The following USP38 variants were observed in gnomAD, a reference collection of about 807,000 sequenced individuals.
USP38 encodes the protein ubiquitin specific peptidase 38, also known as ubiquitin carboxyl-terminal hydrolase 38.
Under a neutral mutation model 94.3 loss-of-function variants are expected in USP38, and 49 were observed. The ratio of observed to expected loss-of-function variants is 0.52; its 90% CI spans 0.41 to 0.66. The LOEUF (loss-of-function observed/expected upper bound fraction) is 0.66, where lower values mean the gene tolerates loss of function less well. Among genes scored for constraint, USP38 ranks in the 30% least tolerant of loss-of-function variants. The probability of loss-of-function intolerance (pLI) is 0.00; values close to 1 mark genes in which losing one functional copy is unlikely to be tolerated. For synonymous variants in USP38, 468 were observed against 463.6 expected (o/e 1.01, Z -0.12); for missense variants, 1,128 against 1,229.4 (o/e 0.92, Z 1.23).
intron 9 of USP38, among the ~76,000 whole-genome samples, chr4:143,218,038 T>C (rs1732229894): frequency 6.6e-6 from 1 of 152,134 alleles, no homozygotes; most frequent in African/African-American, 2.4e-5. Flanking sequence ...GCATCATCAT[T>C]GTATGGTCCA....
At chr4:143,201,565 T>C (rs1236508092) in intron 4 of USP38, among the ~76,000 whole-genome samples, 1 of 152,164 alleles carries the variant, frequency 6.6e-6, no homozygotes. Flanking sequence ...GTATGAGCAA[T>C]AATCTGGAAT....
At chr4:143,187,232 A>G (rs1426780138) in intron 1 of USP38, among the ~76,000 whole-genome samples, 4 of 152,210 alleles carry the variant, frequency 2.6e-5, no homozygotes, top group African/African-American at 9.6e-5. Flanking sequence ...ATCTCCACAA[A>G]AGTCACCTTA....
At chr4:143,188,381 A>T (rs1383363722) in intron 2 of USP38, among the ~76,000 whole-genome samples, 1 of 151,496 alleles carries the variant, frequency 6.6e-6, no homozygotes, top group Admixed American at 6.6e-5. Context: ...GCCTGTTTGA[A>T]TTTTTTTTCT....
At position 143,213,764 on chromosome 4, in the gene USP38, T is replaced by A; in HGVS notation, c.1788T>A (p.Thr596=). The part of the protein sequence containing the change: ...IEKMFGGKLR[T]HIRCLNCRST... ...AAATGTTTGGAGGAAAACTACGAAC[T>A]CACATACGTTGTTTGAACTGCAGGA... Residue 596 remains threonine (T), a synonymous_variant, in exon 9 of 10, where the codon ACT becomes ACA. Transcript: ENST00000307017. The A allele has an allele frequency of 6.2e-7, 1 of 1,613,790 alleles. No homozygotes were observed. The highest frequency in any genetic ancestry group is 1.1e-5 in the South Asian group (1 of 91,082).
chr4:143,214,439 T>C lies in USP38; in HGVS notation c.2463T>C (p.Ala821=). Reference sequence around the variant, plus strand: ...TCACTGATCTTAGTGAGAACCTTGCTAAAAAATTAAAGCCTTCAGGGACTG... The same window carrying C: ...TCACTGATCTTAGTGAGAACCTTGCCAAAAAATTAAAGCCTTCAGGGACTG... The part of the protein sequence containing the change: ...VDFTDLSENL[A]KKLKPSGTDE... Residue 821 remains alanine (A), a synonymous_variant, in exon 9 of 10, where the codon GCT becomes GCC. Coordinates refer to ENST00000307017, the MANE Select transcript of USP38 (RefSeq NM_032557.6). 1 of 1,613,720 alleles carries C rather than the reference T, an allele frequency of 6.2e-7. No individual in the cohort carries two copies.
In USP38 at chr4:143,214,318, T is replaced by C. The variant is rs755692073; in HGVS notation, c.2342T>C (p.Leu781Ser). The C allele has an allele frequency of 4.3e-6, 7 of 1,612,868 alleles. No homozygotes were observed. In the East Asian group the frequency reaches 1.3e-4, roughly 31 times the overall value. The change falls in exon 9 of 10, where the codon TTA becomes TCA. Residue 781 changes from leucine to serine, a missense_variant. Coordinates refer to ENST00000307017, the MANE Select transcript of USP38 (RefSeq NM_032557.6). ...DQKYHVRRKI[L>S]DNVSLPLVLE... ...AAGTATCATGTGAGAAGGAAAATTT[T>C]AGACAATGTATCACTGCCACTGGTT... is the stretch of plus-strand genomic sequence containing the variant.
At chr4:143,190,632 T>A (rs1173880744) in intron 2 of USP38, among the ~76,000 whole-genome samples, 6 of 152,158 alleles carry the variant, frequency 3.9e-5, no homozygotes, top group Admixed American at 3.9e-4. Context: ...ATCCATCCTT[T>A]CATTCCCTTT....
At chr4:143,188,427 G>T (rs1228831546) in intron 2 of USP38, among the ~76,000 whole-genome samples, 1 of 151,830 alleles carries the variant, frequency 6.6e-6, no homozygotes, top group Non-Finnish European at 1.5e-5. Flanking sequence ...GCAAGATACA[G>T]AATTCTAATT....
intron 2 of USP38, among the ~76,000 whole-genome samples, chr4:143,190,379 T>C (rs148570358): frequency 1.2e-3 from 182 of 152,208 alleles, no homozygotes; most frequent in Non-Finnish European, 1.9e-3. Flanking sequence ...TTAGATAATT[T>C]ACCCAAGCTC....
intron 2 of USP38, among the ~76,000 whole-genome samples, chr4:143,193,196 T>G (rs1731447899): frequency 6.6e-6 from 1 of 152,190 alleles, no homozygotes; most frequent in South Asian, 2.1e-4. Flanking sequence ...CTAAAATTGT[T>G]TTTTAAAAAA....
chr4:143,195,216 G>C (rs1731510549), intron 2 of USP38, among the ~76,000 whole-genome samples: 1 of 152,196 alleles, frequency 6.6e-6, no homozygotes, highest in South Asian at 2.1e-4. Context: ...ATAAATTCTT[G>C]ATACAGGTTG....
chr4:143,202,121 G>C (rs1731731488), intron 4 of USP38, among the ~76,000 whole-genome samples: 2 of 152,144 alleles, frequency 1.3e-5, no homozygotes, highest in African/African-American at 4.8e-5. Flanking sequence ...GAGAATATCT[G>C]ATAAATGTGG....
chr4:143,211,385 AAC>A (rs1403695737), intron 7 of USP38, among the ~76,000 whole-genome samples: 1 of 152,174 alleles, frequency 6.6e-6, no homozygotes, highest in East Asian at 1.9e-4. Flanking sequence ...AATCATCAAA[AAC>A]AGTCTGTCAG....
rs1478960971 is a variant in USP38 at position 143,221,337 on chromosome 4, T to C, written c.*881T>C. On this transcript the variant is annotated 3_prime_UTR_variant, in exon 10 of 10. Transcript: ENST00000307017. Reference sequence around the variant, plus strand: ...TAACTTTTTGAAAGGTAATAGATTTTCCAGAAGTAAAATCTGATGGTTCTA... The same window carrying C: ...TAACTTTTTGAAAGGTAATAGATTTCCCAGAAGTAAAATCTGATGGTTCTA... 2 of 152,562 alleles carry C rather than the reference T, an allele frequency of 1.3e-5. No homozygotes were observed. Among genetic ancestry groups the C allele is most frequent in the African/African-American group, 2.4e-5 (1 of 41,444 alleles). The allele number at this position is 152,562 out of a possible 1,614,324, so 9.5% of individuals were successfully genotyped here. A position where few individuals can be genotyped will look rare whatever the true frequency, so the allele number is the denominator to read the frequency against.
At chr4:143,193,085 A>G (rs1476315855) in intron 2 of USP38, among the ~76,000 whole-genome samples, 1 of 152,170 alleles carries the variant, frequency 6.6e-6, no homozygotes, top group Non-Finnish European at 1.5e-5. Flanking sequence ...CATGATGCAA[A>G]GAATCCACAG....
At chr4:143,203,812 T>C (rs1731785196) in intron 5 of USP38, among the ~76,000 whole-genome samples, 1 of 152,174 alleles carries the variant, frequency 6.6e-6, no homozygotes, top group African/African-American at 2.4e-5. Flanking sequence ...AAATTTATAA[T>C]AGCTTTTTGG....
intron 9 of USP38, among the ~76,000 whole-genome samples, chr4:143,217,164 A>C (rs959526987): frequency 3.3e-5 from 5 of 152,176 alleles, no homozygotes; most frequent in Admixed American, 6.6e-5. Context: ...GAAATTTTTC[A>C]TACCATTTAA....
Position 143,222,714 on chromosome 4 carries a change from A to G in USP38, c.*2258A>G, listed in dbSNP as rs975603830. 40 of 152,222 alleles carry G rather than the reference A, an allele frequency of 2.6e-4. No individual in the cohort carries two copies. The highest frequency in any genetic ancestry group is 8.9e-4 in the African/African-American group (37 of 41,558). 9.4% of individuals were successfully genotyped at this position (152,222 alleles called of 1,614,324 possible). On this transcript the variant is annotated 3_prime_UTR_variant, in exon 10 of 10. Transcript: ENST00000307017. ...CTTTTTACGTGATTTGTTGAATTCAACATATTTGGAACCAGAATAATCAGA... is the reference window on the plus strand; with the variant it reads ...CTTTTTACGTGATTTGTTGAATTCAGCATATTTGGAACCAGAATAATCAGA...
At chr4:143,197,461 C>T (rs545366902) in intron 3 of USP38, among the ~76,000 whole-genome samples, 21 of 152,148 alleles carry the variant, frequency 1.4e-4, no homozygotes, top group African/African-American at 5.1e-4. Context: ...TTTTTTTAAT[C>T]CACTGTTGTA....
Sources: allele counts gnomAD v4.1 joint callset (sites outside exome capture counted in the v4.1 genomes callset), GRCh38; gene constraint gnomAD v4.1.1; transcripts MANE v1.5; gene names NCBI Gene and HGNC (gene_info 2026-07-23, HGNC 2026-07-21).